GABRB1: variants seen among roughly 807,000 people sequenced by gnomAD.
GABRB1 encodes gamma-aminobutyric acid type A receptor subunit beta1.
GABRB1 carries 17 observed loss-of-function variants against 51.6 expected under a neutral mutation model. The observed-to-expected ratio is 0.33, with a 90% CI of 0.23 to 0.49. GABRB1 has a LOEUF of 0.49. GABRB1 is among the 20% of genes least tolerant of loss of function. GABRB1 has a pLI of 0.99. For missense variants in GABRB1, 410 were observed against 600.6 expected (o/e 0.68, Z 3.32); for synonymous variants, 247 against 218.9 (o/e 1.13, Z -1.14).
chr4:47,029,890 A>C (rs902930024), upstream of GABRB1, among the ~76,000 whole-genome samples: 1 of 152,098 alleles, frequency 6.6e-6, no homozygotes, highest in Non-Finnish European at 1.5e-5. Context: ...TTCCATGCCA[A>C]AGACAAACTG....
At chr4:47,421,999 C>T (rs1419770536) in intron 8 of GABRB1, among the ~76,000 whole-genome samples, 2 of 152,034 alleles carry the variant, frequency 1.3e-5, no homozygotes, top group Non-Finnish European at 2.9e-5. Context: ...TCAACCCTAC[C>T]ATCCTTAGTA....
chr4:47,375,925 A>G (rs1202000606), intron 5 of GABRB1, among the ~76,000 whole-genome samples: 1 of 152,234 alleles, frequency 6.6e-6, no homozygotes, highest in South Asian at 2.1e-4. Context: ...GAAGAGGCAC[A>G]GAATGTTTGG....
At chr4:47,355,169 A>C (rs1312104592) in intron 5 of GABRB1, among the ~76,000 whole-genome samples, 1 of 151,312 alleles carries the variant, frequency 6.6e-6, no homozygotes, top group Non-Finnish European at 1.5e-5. Flanking sequence ...TTTAGTAGAG[A>C]TGGGGTTTCA....
At position 47,215,259 on chromosome 4, in the gene GABRB1, C is replaced by G. The variant is rs146749989; in HGVS notation, c.461+53790C>G. On this transcript the variant is annotated intron_variant, in intron 4 of 8. Transcript: ENST00000295454. ...AGTGCATGTTTTATAAGCTTGAGTCCTAGATGTTTTATGGTTTATATTGCT... is the reference window on the plus strand; with the variant it reads ...AGTGCATGTTTTATAAGCTTGAGTCGTAGATGTTTTATGGTTTATATTGCT... 9.2e-5 allele frequency among the ~76,000 whole-genome samples: 14 copies of G among 152,134 alleles called. No individual in the cohort carries two copies. In the East Asian group the frequency reaches 2.7e-3, roughly 29 times the overall value.
At chr4:47,085,320 T>A (rs1482686356) in intron 3 of GABRB1, among the ~76,000 whole-genome samples, 1 of 152,230 alleles carries the variant, frequency 6.6e-6, no homozygotes, top group Non-Finnish European at 1.5e-5. Context: ...CTATAGTACA[T>A]GTGTTATTCT....
chr4:47,071,077 C>T (rs550230900), intron 3 of GABRB1, among the ~76,000 whole-genome samples: 204 of 152,296 alleles, frequency 1.3e-3, no homozygotes, highest in Admixed American at 4.3e-3. Context: ...TTGCTCAGAT[C>T]GTCCATTTAA....
In GABRB1 at chr4:47,318,399, A is replaced by G. The variant is rs537789579; in HGVS notation, c.462-1728A>G. 1.8e-4 allele frequency among the ~76,000 whole-genome samples: 28 copies of G among 152,088 alleles called. No individual in the cohort carries two copies. In the South Asian group the frequency reaches 5.4e-3, roughly 29 times the overall value. On this transcript the variant is annotated intron_variant, in intron 4 of 8. Coordinates refer to ENST00000295454, the MANE Select transcript of GABRB1 (RefSeq NM_000812.4). The stretch of plus-strand genomic sequence containing the variant: ...GAATCTACGTTATACATAAAAGCAT[A>G]TCTTCCTCTCTTGCTGCAGCAAAAT...
At chr4:47,057,368 A>T (rs924088846) in intron 3 of GABRB1, among the ~76,000 whole-genome samples, 2 of 152,236 alleles carry the variant, frequency 1.3e-5, no homozygotes, top group African/African-American at 4.8e-5. Context: ...TTTGATTAAT[A>T]TTATTATTTA....
chr4:47,153,339 A>G (rs11727585), intron 3 of GABRB1, among the ~76,000 whole-genome samples: 104,443 of 151,854 alleles, frequency 0.69, 36,533 homozygotes, highest in Middle Eastern at 0.84. Flanking sequence ...ATTTAACTAT[A>G]TCTTACCATG....
chr4:47,318,132 A>C (rs1724954428), intron 4 of GABRB1, among the ~76,000 whole-genome samples: 1 of 151,972 alleles, frequency 6.6e-6, no homozygotes, highest in South Asian at 2.1e-4. Context: ...GTGAGTTTGC[A>C]TTAATTAAAT....
chr4:47,036,259 G>A (rs77427453), intron 3 of GABRB1, among the ~76,000 whole-genome samples: 2,046 of 152,234 alleles, frequency 0.013, 18 homozygotes, highest in Non-Finnish European at 0.02. Context: ...TGTTGTTGTG[G>A]TTATTTTAAT....
intron 3 of GABRB1, among the ~76,000 whole-genome samples, chr4:47,114,717 C>T (rs1252328218): frequency 6.6e-6 from 1 of 152,186 alleles, no homozygotes; most frequent in Non-Finnish European, 1.5e-5. Context: ...CTGACTCCAA[C>T]TTTCATTTTT....
chr4:47,206,646 T>C (rs1292479191), intron 4 of GABRB1, among the ~76,000 whole-genome samples: 1 of 151,888 alleles, frequency 6.6e-6, no homozygotes, highest in Non-Finnish European at 1.5e-5. Context: ...CTCATCTTTC[T>C]AAGTAACTCA....
At chr4:47,336,557 C>T (rs1337369774) in intron 5 of GABRB1, among the ~76,000 whole-genome samples, 1 of 152,022 alleles carries the variant, frequency 6.6e-6, no homozygotes, top group Non-Finnish European at 1.5e-5. Context: ...AGTGGCAGAG[C>T]CAAATCTGCA....
At chr4:47,412,606 G>A (rs139041885) in intron 8 of GABRB1, among the ~76,000 whole-genome samples, 2 of 152,316 alleles carry the variant, frequency 1.3e-5, no homozygotes, top group East Asian at 1.9e-4. Flanking sequence ...GTTCGTCTGG[G>A]AGTAACGCCC....
intron 3 of GABRB1, among the ~76,000 whole-genome samples, chr4:47,136,817 T>C (rs988674422): frequency 5.9e-5 from 9 of 152,122 alleles, no homozygotes; most frequent in African/African-American, 1.9e-4. Context: ...CTACATTTAT[T>C]GTATATCTAT....
At chr4:47,287,177 T>C (rs1723542137) in intron 4 of GABRB1, among the ~76,000 whole-genome samples, 2 of 152,148 alleles carry the variant, frequency 1.3e-5, no homozygotes, top group South Asian at 4.1e-4. Flanking sequence ...ACCCCAGAAT[T>C]CAGGTGCTGA....
intron 3 of GABRB1, among the ~76,000 whole-genome samples, chr4:47,045,138 C>T (rs1726027071): frequency 6.6e-6 from 1 of 152,042 alleles, no homozygotes; most frequent in African/African-American, 2.4e-5. Context: ...CATTAATTAA[C>T]TCTAGAGTGA....
intron 5 of GABRB1, among the ~76,000 whole-genome samples, chr4:47,335,477 A>G (rs774565492): frequency 6.6e-6 from 1 of 152,014 alleles, no homozygotes; most frequent in Non-Finnish European, 1.5e-5. Context: ...CCATCTGATT[A>G]TTTCCTTCCA....
Sources: allele counts gnomAD v4.1 joint callset (sites outside exome capture counted in the v4.1 genomes callset), GRCh38; gene constraint gnomAD v4.1.1; transcripts MANE v1.5; gene names NCBI Gene and HGNC (gene_info 2026-07-23, HGNC 2026-07-21).